Variants in SLC35F3 observed in about 807,000 individuals in gnomAD.
SLC35F3 encodes solute carrier family 35 member F3.
SLC35F3 carries 25 observed loss-of-function variants against 49.9 expected under a neutral mutation model. The ratio of observed to expected loss-of-function variants is 0.50; its 90% CI spans 0.37 to 0.70. SLC35F3 has a LOEUF of 0.70. SLC35F3 is among the 30% of genes least tolerant of loss of function. The pLI is 0.00. For missense variants in SLC35F3, 525 were observed against 639.8 expected, an observed-to-expected ratio of 0.82 and a Z score of 1.94; for synonymous variants, 275 against 265.4, an observed-to-expected ratio of 1.04 and a Z score of -0.35.
chr1:234,163,293 G>T (rs548851078), intron 2 of SLC35F3, among the ~76,000 whole-genome samples: 3 of 152,174 alleles, frequency 2.0e-5, no homozygotes, highest in African/African-American at 7.2e-5. Flanking sequence ...CACATGCCTC[G>T]GTGATGCAGT....
chr1:234,231,601 C>A lies in SLC35F3; in HGVS notation c.468C>A (p.Ala156=). 1 of 1,614,212 alleles carries A rather than the reference C, an allele frequency of 6.2e-7. No homozygotes were observed. Among genetic ancestry groups the A allele is most frequent in the Non-Finnish European group, 8.5e-7 (1 of 1,180,018 alleles). ...CSSWAGSTQL[A]KLTFRKFDAP... is the part of the protein sequence containing the mutation. ...CGTGGGCGGGCTCCACGCAGCTCGC[C>A]AAGCTGACCTTCAGGAAGTTCGACG... The change falls in exon 3 of 8, where the codon GCC becomes GCA. Residue 156 remains alanine, a synonymous_variant. Transcript: ENST00000366618. The surrounding 1 kb of genome is among the most constrained non-coding windows in gnomAD (Gnocchi z 5.4).
chr1:234,245,975 G>T (rs1172115543), intron 3 of SLC35F3, among the ~76,000 whole-genome samples: 5 of 152,150 alleles, frequency 3.3e-5, no homozygotes, highest in Non-Finnish European at 7.3e-5. Flanking sequence ...AGTTTCAAGG[G>T]GGAGGGGGAC....
At chr1:234,035,627 C>T (rs532767535) in intron 2 of SLC35F3, among the ~76,000 whole-genome samples, 1 of 152,216 alleles carries the variant, frequency 6.6e-6, no homozygotes, top group Non-Finnish European at 1.5e-5. Context: ...ATTATCTTTG[C>T]TTTTCTGTTT....
intron 2 of SLC35F3, among the ~76,000 whole-genome samples, chr1:233,971,828 G>A (rs1282601364): frequency 6.6e-6 from 1 of 152,134 alleles, no homozygotes. Context: ...TCGACTGCAT[G>A]AGAGGGAGGC....
At chr1:234,178,689 G>T (rs1486956998) in intron 2 of SLC35F3, among the ~76,000 whole-genome samples, 1 of 150,764 alleles carries the variant, frequency 6.6e-6, no homozygotes, top group Non-Finnish European at 1.5e-5. Context: ...ACATTCTGTG[G>T]ATGTACATCA....
chr1:234,017,095 C>T (rs750751547), intron 2 of SLC35F3, among the ~76,000 whole-genome samples: 15 of 152,170 alleles, frequency 9.9e-5, no homozygotes, highest in African/African-American at 2.2e-4. Flanking sequence ...TACAAAATAA[C>T]GTGTCCAGTA....
chr1:234,026,696 G>A (rs1254032954), intron 2 of SLC35F3, among the ~76,000 whole-genome samples: 2 of 150,752 alleles, frequency 1.3e-5, no homozygotes, highest in South Asian at 2.1e-4. Flanking sequence ...CAGCCTGGGC[G>A]ACAGAGCAAG....
chr1:234,200,745 C>G (rs1666889668), intron 2 of SLC35F3, among the ~76,000 whole-genome samples: 1 of 152,142 alleles, frequency 6.6e-6, no homozygotes, highest in African/African-American at 2.4e-5. Flanking sequence ...CTTTATTTTA[C>G]CTCCAGAAAT....
chr1:234,235,643 G>A (rs1667453650), intron 3 of SLC35F3, among the ~76,000 whole-genome samples: 1 of 152,234 alleles, frequency 6.6e-6, no homozygotes, highest in Non-Finnish European at 1.5e-5. Context: ...CAAATGCTGA[G>A]ACCTTCTGCT....
At chr1:233,919,957 C>A (rs2102786953) in intron 2 of SLC35F3, among the ~76,000 whole-genome samples, 1 of 152,260 alleles carries the variant, frequency 6.6e-6, no homozygotes, top group Non-Finnish European at 1.5e-5. Context: ...TGAGGATTTC[C>A]ATTTGCCTTC....
intron 2 of SLC35F3, among the ~76,000 whole-genome samples, chr1:233,962,118 A>G (rs565096378): frequency 1.3e-5 from 2 of 152,352 alleles, no homozygotes; most frequent in South Asian, 2.1e-4. Context: ...TTAAAACCAT[A>G]CATATTTCCA....
At chr1:234,105,136 A>C (rs1665266545) in intron 2 of SLC35F3, among the ~76,000 whole-genome samples, 1 of 152,066 alleles carries the variant, frequency 6.6e-6, no homozygotes, top group South Asian at 2.1e-4. Context: ...AAAAAAAAAA[A>C]AAAAAAACCT....
At chr1:234,212,805 C>T (rs1455307010) in intron 2 of SLC35F3, 7 of 152,106 alleles carry the variant, frequency 4.6e-5, no homozygotes, top group South Asian at 2.1e-4. Context: ...TAATATACAA[C>T]ATGTAATTCT....
intron 2 of SLC35F3, among the ~76,000 whole-genome samples, chr1:234,081,382 A>G (rs912030801): frequency 3.9e-5 from 6 of 152,190 alleles, no homozygotes; most frequent in Non-Finnish European, 5.9e-5. Flanking sequence ...ATCATTGCAA[A>G]CATTGTTTTT....
chr1:233,984,698 A>G (rs921548244), intron 2 of SLC35F3, among the ~76,000 whole-genome samples: 3 of 152,206 alleles, frequency 2.0e-5, no homozygotes, highest in East Asian at 1.9e-4. Context: ...CAGGACCCTC[A>G]GGAAGAAATT....
intron 4 of SLC35F3, among the ~76,000 whole-genome samples, chr1:234,313,644 G>A (rs974791799): frequency 6.6e-6 from 1 of 152,112 alleles, no homozygotes; most frequent in Non-Finnish European, 1.5e-5. Context: ...GGAGAGGCAT[G>A]GGGAGGTCAG....
At chr1:234,074,556 C>A (rs1664766547) in intron 2 of SLC35F3, among the ~76,000 whole-genome samples, 1 of 152,184 alleles carries the variant, frequency 6.6e-6, no homozygotes, top group Admixed American at 6.5e-5. Context: ...ATGACTTCTA[C>A]AGACACTGGA....
At chr1:233,934,366 A>G (rs1185026901) in intron 2 of SLC35F3, among the ~76,000 whole-genome samples, 1 of 152,162 alleles carries the variant, frequency 6.6e-6, no homozygotes, top group African/African-American at 2.4e-5. Context: ...GGTTTTTTCT[A>G]TATGTATGAA....
intron 3 of SLC35F3, among the ~76,000 whole-genome samples, chr1:234,306,999 G>A (rs1657214407): frequency 6.6e-6 from 1 of 152,072 alleles, no homozygotes; most frequent in African/African-American, 2.4e-5. Flanking sequence ...AAGAATATTT[G>A]TATTTTATTT....
Sources: gnomAD v4.1 joint callset for allele counts (sites outside exome capture counted in the v4.1 genomes callset) on GRCh38, gnomAD v4.1.1 for gene constraint, Gnocchi (gnomAD v3.1) non-coding constraint, MANE v1.5 for transcripts, NCBI Gene and HGNC (gene_info 2026-07-23, HGNC 2026-07-21) for gene names.